P3H2: variants seen among roughly 807,000 people sequenced by gnomAD.
P3H2 encodes prolyl 3-hydroxylase 2, also known as leprecan-like 1.
Under a neutral mutation model 87.0 loss-of-function variants are expected in P3H2, and 80 were observed. The observed-to-expected ratio is 0.92, with a 90% CI of 0.77 to 1.11. The LOEUF (loss-of-function observed/expected upper bound fraction) is 1.11, where lower values mean the gene tolerates loss of function less well. Ranked by LOEUF, P3H2 falls within the 50% of genes least tolerant of loss-of-function variation. The pLI, the probability that P3H2 is intolerant of heterozygous loss-of-function variation, is 0.00. For missense variants in P3H2, 1,001 were observed against 923.9 expected, an observed-to-expected ratio of 1.08 and a Z score of -1.08; for synonymous variants, 367 against 359.3, an observed-to-expected ratio of 1.02 and a Z score of -0.24.
At position 189,987,555 on chromosome 3, in the gene P3H2, A is replaced by T; in HGVS notation, c.1070T>A (p.Ile357Asn). ...TCTGGCCTCAATGGATGCCGGGTCA[A>T]TGCTATCATCCAGCAGACTCTCATA... ...DYYESLLDDS[I>N]DPASIEARED... The change falls in exon 5 of 15, where the codon ATT (isoleucine) becomes AAT (asparagine). Residue 357 changes from isoleucine to asparagine, a missense_variant. Transcript: ENST00000319332. The T allele has an allele frequency of 1.2e-6, 2 of 1,614,144 alleles. No homozygotes were observed. Among genetic ancestry groups the T allele is most frequent in the South Asian group, 2.2e-5 (2 of 91,078 alleles).
chr3:190,033,863 T>G (rs1031936568), intron 1 of P3H2, among the ~76,000 whole-genome samples: 11 of 152,212 alleles, frequency 7.2e-5, no homozygotes, highest in African/African-American at 2.7e-4. Flanking sequence ...ATCCTATTGC[T>G]CAGGGTAAGA....
chr3:189,969,111 G>A, intron 13 of P3H2: 1 of 539,890 alleles, frequency 1.9e-6, no homozygotes, highest in Non-Finnish European at 3.4e-6. Flanking sequence ...GTATGGCAGT[G>A]AGCAGTAAAC....
At chr3:190,012,302 G>T (rs1488511592) in intron 1 of P3H2, among the ~76,000 whole-genome samples, 1 of 151,676 alleles carries the variant, frequency 6.6e-6, no homozygotes, top group Admixed American at 6.6e-5. Flanking sequence ...AAATTTTCTT[G>T]TGAATTCCTG....
intron 1 of P3H2, among the ~76,000 whole-genome samples, chr3:190,114,866 T>C (rs1712229050): frequency 6.6e-6 from 1 of 152,226 alleles, no homozygotes; most frequent in Admixed American, 6.5e-5. Context: ...ATATACATAT[T>C]CTACAAATAG....
intron 8 of P3H2, among the ~76,000 whole-genome samples, chr3:189,977,025 A>G (rs190765725): frequency 1.7e-3 from 256 of 152,300 alleles, no homozygotes; most frequent in African/African-American, 5.7e-3. Flanking sequence ...AAGTAGTAAC[A>G]TAATATGCAG....
intron 8 of P3H2, among the ~76,000 whole-genome samples, chr3:189,975,651 G>A (rs1723327953): frequency 6.6e-6 from 1 of 152,172 alleles, no homozygotes; most frequent in African/African-American, 2.4e-5. Flanking sequence ...TCTAGCAAAG[G>A]TCACCAACAC....
chr3:190,048,587 A>G (rs1297462607), intron 1 of P3H2, among the ~76,000 whole-genome samples: 1 of 152,230 alleles, frequency 6.6e-6, no homozygotes, highest in Non-Finnish European at 1.5e-5. Context: ...GAACTATGAC[A>G]TTAATAACCA....
intron 9 of P3H2, 84 bp from the exon 10 acceptor site, chr3:189,974,088 G>A (rs1233719895): frequency 1.0e-5 from 11 of 1,081,830 alleles, no homozygotes; most frequent in Non-Finnish European, 1.6e-5. Context: ...CCAGAAAGCT[G>A]AGAACTCTAG....
At chr3:190,099,615 T>C (rs1711549865) in intron 1 of P3H2, among the ~76,000 whole-genome samples, 1 of 152,218 alleles carries the variant, frequency 6.6e-6, no homozygotes, top group South Asian at 2.1e-4. Flanking sequence ...TAAAGAATGA[T>C]ACAGAACTGA....
intron 14 of P3H2, among the ~76,000 whole-genome samples, chr3:189,962,299 C>G (rs1387380991): frequency 3.3e-5 from 5 of 151,604 alleles, no homozygotes; most frequent in Admixed American, 6.6e-5. Context: ...CTCAGGCTCC[C>G]GAGCAGCTGG....
intron 1 of P3H2, among the ~76,000 whole-genome samples, chr3:190,014,565 G>GA (rs1414448789): frequency 6.6e-6 from 1 of 152,198 alleles, no homozygotes; most frequent in Non-Finnish European, 1.5e-5. Context: ...ACTGACGACT[G>GA]GAGAGAAATG....
chr3:189,987,290 C>T (rs1321470323), intron 5 of P3H2, among the ~76,000 whole-genome samples: 1 of 151,868 alleles, frequency 6.6e-6, no homozygotes, highest in Non-Finnish European at 1.5e-5. Flanking sequence ...GCCTGACCAA[C>T]ATGGAGAAAC....
chr3:190,070,144 G>A (rs1455300304), intron 1 of P3H2, among the ~76,000 whole-genome samples: 1 of 152,150 alleles, frequency 6.6e-6, no homozygotes, highest in African/African-American at 2.4e-5. Context: ...ATGAAGGCTA[G>A]CGGAAATAGG....
chr3:189,980,699 A>G (rs1030103258), intron 8 of P3H2, among the ~76,000 whole-genome samples: 1 of 152,314 alleles, frequency 6.6e-6, no homozygotes, highest in South Asian at 2.1e-4. Flanking sequence ...ATAATAAGAA[A>G]TATACTGGTT....
intron 14 of P3H2, among the ~76,000 whole-genome samples, chr3:189,959,652 TTAAG>T (rs1353159126): frequency 6.6e-6 from 1 of 152,156 alleles, no homozygotes; most frequent in Non-Finnish European, 1.5e-5. Flanking sequence ...CGATTCTGAA[TTAAG>T]TGTTTCTCTG....
chr3:190,040,694 C>T (rs1462308618), intron 1 of P3H2, among the ~76,000 whole-genome samples: 1 of 152,048 alleles, frequency 6.6e-6, no homozygotes, highest in Non-Finnish European at 1.5e-5. Flanking sequence ...CAAACTGCAT[C>T]ATTGCCTGTG....
Position 189,974,673 on chromosome 3 carries a change from A to G in P3H2, c.1337T>C (p.Leu446Pro), listed in dbSNP as rs1393968007. ...DRDLREGGPL[L>P]YENITFVYNS... ...GTAGACGAATGTGATGTTCTCATAGAGTAGAGGACCACCTACAGGAACAGA... is the reference window on the plus strand; with the variant it reads ...GTAGACGAATGTGATGTTCTCATAGGGTAGAGGACCACCTACAGGAACAGA... Residue 446 changes from leucine to proline, a missense_variant, in exon 9 of 15, where the codon CTC becomes CCC. Coordinates refer to ENST00000319332, the MANE Select transcript of P3H2 (RefSeq NM_018192.4). 1.9e-6 allele frequency: 3 copies of G among 1,614,194 alleles called. No homozygotes were observed. Among genetic ancestry groups the G allele is most frequent in the East Asian group, 2.2e-5 (1 of 44,880 alleles).
chr3:190,088,305 A>G (rs1727293537), intron 1 of P3H2, among the ~76,000 whole-genome samples: 1 of 152,242 alleles, frequency 6.6e-6, no homozygotes, highest in Admixed American at 6.5e-5. Flanking sequence ...TTCCCTTGGC[A>G]ATATTAAGTG....
chr3:190,065,526 T>C (rs1237820769), intron 1 of P3H2, among the ~76,000 whole-genome samples: 3 of 152,200 alleles, frequency 2.0e-5, no homozygotes. Flanking sequence ...CAGTGTTATG[T>C]TAATCAGTAA....
Sources: allele counts gnomAD v4.1 joint callset (sites outside exome capture counted in the v4.1 genomes callset), GRCh38; gene constraint gnomAD v4.1.1; transcripts MANE v1.5; gene names NCBI Gene and HGNC (gene_info 2026-07-23, HGNC 2026-07-21).